Variants in PTPRK observed in about 807,000 individuals in gnomAD.
The protein encoded by PTPRK is protein tyrosine phosphatase receptor type K, also known as receptor-type tyrosine-protein phosphatase kappa.
Under a neutral mutation model 178.0 loss-of-function variants are expected in PTPRK, and 75 were observed. The ratio of observed to expected loss-of-function variants is 0.42; its 90% CI spans 0.35 to 0.51. PTPRK has a LOEUF of 0.51. Among genes scored for constraint, PTPRK ranks in the 20% least tolerant of loss-of-function variants. PTPRK has a pLI of 0.02. For missense variants in PTPRK, 1,441 were observed against 1,797.8 expected (o/e 0.80, Z 3.59); for synonymous variants, 637 against 620.6 (o/e 1.03, Z -0.39).
At chr6:128,515,903 T>C (rs1055914426) in intron 1 of PTPRK, among the ~76,000 whole-genome samples, 2 of 152,046 alleles carry the variant, frequency 1.3e-5, no homozygotes, top group African/African-American at 4.8e-5. Flanking sequence ...AGACCTGGTA[T>C]ACTGCACTTT....
At chr6:128,069,029 G>C (rs1782345008) in intron 11 of PTPRK, among the ~76,000 whole-genome samples, 1 of 151,834 alleles carries the variant, frequency 6.6e-6, no homozygotes, top group South Asian at 2.1e-4. Context: ...AATTAAAACA[G>C]TTTAGACTCT....
At chr6:128,068,952 G>T (rs891979109) in intron 11 of PTPRK, among the ~76,000 whole-genome samples, 21 of 151,338 alleles carry the variant, frequency 1.4e-4, no homozygotes, top group African/African-American at 4.4e-4. Context: ...GGGAGGAGAG[G>T]GGGAGGGAGA....
chr6:128,442,344 C>T (rs1428283165), intron 1 of PTPRK, among the ~76,000 whole-genome samples: 1 of 152,160 alleles, frequency 6.6e-6, no homozygotes, highest in East Asian at 1.9e-4. Flanking sequence ...ACCTTCTTTT[C>T]CTTCAATGGT....
chr6:128,380,830 G>C (rs1395043903), intron 2 of PTPRK, among the ~76,000 whole-genome samples: 1 of 152,086 alleles, frequency 6.6e-6, no homozygotes, highest in East Asian at 1.9e-4. Context: ...CTAACAATCT[G>C]GGCACAGCCC....
intron 7 of PTPRK, among the ~76,000 whole-genome samples, chr6:128,143,353 T>A (rs1350052613): frequency 6.6e-6 from 1 of 152,162 alleles, no homozygotes; most frequent in African/African-American, 2.4e-5. Context: ...TTGAAAACCT[T>A]TGTAATTATC....
At chr6:128,441,450 C>CAA (rs147645143) in intron 1 of PTPRK, among the ~76,000 whole-genome samples, 3 of 146,024 alleles carry the variant, frequency 2.1e-5, no homozygotes, top group Non-Finnish European at 3.0e-5. Context: ...TTTTATTAAT[C>CAA]AAAAAAAAAA....
At chr6:128,098,617 G>C (rs147849675) in intron 7 of PTPRK, among the ~76,000 whole-genome samples, 93 of 152,192 alleles carry the variant, frequency 6.1e-4, no homozygotes, top group South Asian at 3.5e-3. Context: ...ATGAGAGTTT[G>C]TGGTTAGTTG....
chr6:128,442,600 C>T (rs1408871077), intron 1 of PTPRK, among the ~76,000 whole-genome samples: 1 of 152,174 alleles, frequency 6.6e-6, no homozygotes, highest in African/African-American at 2.4e-5. Flanking sequence ...TATACTTGTA[C>T]TCTACCAAAC....
At chr6:128,390,690 G>A (rs1839426951) in intron 2 of PTPRK, among the ~76,000 whole-genome samples, 1 of 151,996 alleles carries the variant, frequency 6.6e-6, no homozygotes, top group Non-Finnish European at 1.5e-5. Flanking sequence ...TCTGTCCCTG[G>A]GTGACAATTA....
chr6:128,375,815 G>A (rs1836994712), intron 2 of PTPRK, among the ~76,000 whole-genome samples: 1 of 152,098 alleles, frequency 6.6e-6, no homozygotes, highest in Non-Finnish European at 1.5e-5. Flanking sequence ...TTCCAAATAG[G>A]AGAAATTGGC....
chr6:128,386,255 T>C (rs891240911), intron 2 of PTPRK, among the ~76,000 whole-genome samples: 7 of 152,160 alleles, frequency 4.6e-5, no homozygotes, highest in African/African-American at 1.2e-4. Context: ...GTTTGACAAA[T>C]CAAGTGTACA....
At chr6:128,139,760 T>G (rs995358785) in intron 7 of PTPRK, among the ~76,000 whole-genome samples, 3 of 152,020 alleles carry the variant, frequency 2.0e-5, no homozygotes, top group Non-Finnish European at 4.4e-5. Context: ...AATCACGCAG[T>G]ACTGAAGAGT....
intron 5 of PTPRK, among the ~76,000 whole-genome samples, chr6:128,222,030 G>T (rs190114875): frequency 6.6e-6 from 1 of 152,110 alleles, no homozygotes; most frequent in Admixed American, 6.5e-5. Context: ...TATCTCTCCA[G>T]GTGTGTTCTC....
intron 5 of PTPRK, among the ~76,000 whole-genome samples, chr6:128,229,172 C>T (rs1176595984): frequency 1.3e-5 from 2 of 152,038 alleles, no homozygotes; most frequent in Non-Finnish European, 2.9e-5. Context: ...TAAATAAGAG[C>T]TAAGTAGAAG....
intron 8 of PTPRK, among the ~76,000 whole-genome samples, 168 bp from the exon 9 acceptor site, chr6:128,083,992 C>T (rs953804868): frequency 3.3e-5 from 5 of 151,822 alleles, no homozygotes; most frequent in East Asian, 1.9e-4. Flanking sequence ...GATTTTACTT[C>T]GATATATGAG....
intron 7 of PTPRK, among the ~76,000 whole-genome samples, chr6:128,133,212 T>G (rs933577901): frequency 1.3e-5 from 2 of 152,216 alleles, no homozygotes; most frequent in African/African-American, 4.8e-5. Flanking sequence ...AATATTAGTT[T>G]AGACAAGATG....
chr6:128,433,850 T>A (rs1188907313), intron 1 of PTPRK, among the ~76,000 whole-genome samples: 18 of 148,038 alleles, frequency 1.2e-4, no homozygotes, highest in African/African-American at 4.4e-4. Flanking sequence ...TTTACAGACA[T>A]TTATAAGTAA....
chr6:128,153,565 C>T (rs1057104613), intron 7 of PTPRK, among the ~76,000 whole-genome samples: 17 of 151,924 alleles, frequency 1.1e-4, no homozygotes, highest in African/African-American at 4.1e-4. Flanking sequence ...TTTCAAACTA[C>T]AATTAGCATT....
chr6:128,158,326 G>A (rs1055250803), intron 7 of PTPRK, among the ~76,000 whole-genome samples: 11 of 152,024 alleles, frequency 7.2e-5, no homozygotes, highest in Admixed American at 2.6e-4. Context: ...GAGTTAATGG[G>A]TGCAGAACAC....
Sources: gnomAD v4.1 joint callset for allele counts (sites outside exome capture counted in the v4.1 genomes callset) on GRCh38, gnomAD v4.1.1 for gene constraint, MANE v1.5 for transcripts, NCBI Gene and HGNC (gene_info 2026-07-23, HGNC 2026-07-21) for gene names.